CSMD1: variants seen among roughly 807,000 people sequenced by gnomAD.
CSMD1 encodes CUB and sushi domain-containing protein 1.
CSMD1 carries 213 observed loss-of-function variants against 417.5 expected under a neutral mutation model. The observed-to-expected ratio is 0.51, with a 90% confidence interval of 0.46 to 0.57. CSMD1 has a LOEUF of 0.57. Ranked by LOEUF, CSMD1 falls within the 20% of genes least tolerant of loss-of-function variation. The probability of loss-of-function intolerance (pLI) is 0.00; values close to 1 mark genes in which losing one functional copy is unlikely to be tolerated. For missense variants in CSMD1, 6,923 were observed against 4,529.7 expected, an observed-to-expected ratio of 1.53 and a Z score of -15.17; for synonymous variants, 2,862 against 1,736.8, an observed-to-expected ratio of 1.65 and a Z score of -16.11.
chr8:3,073,386 A>C (rs1199175896), intron 49 of CSMD1, among the ~76,000 whole-genome samples: 1 of 152,198 alleles, frequency 6.6e-6, no homozygotes, highest in Non-Finnish European at 1.5e-5. Flanking sequence ...GTATTTAATA[A>C]ATGACACTCA....
intron 3 of CSMD1, among the ~76,000 whole-genome samples, chr8:4,202,121 A>T (rs1799690784): frequency 6.6e-6 from 1 of 152,026 alleles, no homozygotes; most frequent in Non-Finnish European, 1.5e-5. Flanking sequence ...TTTTTTCTAG[A>T]GAAAACATCT....
chr8:4,738,292 T>A (rs7826378), intron 1 of CSMD1, among the ~76,000 whole-genome samples: 18 of 152,070 alleles, frequency 1.2e-4, no homozygotes, highest in African/African-American at 4.3e-4. Flanking sequence ...GAGAATGGGT[T>A]ATTTACAGAG....
At chr8:3,464,756 A>T (rs1198289916) in intron 12 of CSMD1, among the ~76,000 whole-genome samples, 2 of 152,052 alleles carry the variant, frequency 1.3e-5, no homozygotes, top group African/African-American at 4.8e-5. Flanking sequence ...CTCTATCATA[A>T]TTAATTTACA....
Position 4,752,559 on chromosome 8 carries a change from C to T in CSMD1, c.86-115001G>A, listed in dbSNP as rs1389584310. Among the ~76,000 whole-genome samples, 3 of 152,172 alleles carry T rather than the reference C, an allele frequency of 2.0e-5. No individual in the cohort carries two copies. The East Asian group carries it at 5.8e-4, about 29-fold the overall frequency. ...AGTTAAAACTCTGTACCCAGATGCA[C>T]AGAGTGAAAACGAAGTGAATTAAAT... is the stretch of plus-strand genomic sequence containing the variant. On this transcript the variant is annotated intron_variant, in intron 1 of 69. Transcript: ENST00000635120.
intron 5 of CSMD1, among the ~76,000 whole-genome samples, chr8:3,934,554 T>C (rs1364542188): frequency 6.6e-6 from 1 of 152,034 alleles, no homozygotes; most frequent in Non-Finnish European, 1.5e-5. Context: ...TAACTAAGGG[T>C]TAAACAATTG....
chr8:4,602,539 G>T (rs1390821321), intron 2 of CSMD1, among the ~76,000 whole-genome samples: 1 of 152,152 alleles, frequency 6.6e-6, no homozygotes, highest in African/African-American at 2.4e-5. Flanking sequence ...GAACATATTG[G>T]TCATTATAGT....
chr8:4,739,924 C>T (rs116571486), intron 1 of CSMD1, among the ~76,000 whole-genome samples: 2 of 152,126 alleles, frequency 1.3e-5, no homozygotes, highest in East Asian at 3.9e-4. Flanking sequence ...TCTTCAGTTG[C>T]TCTCTGCAGC....
chr8:3,909,105 G>T (rs907989275), intron 5 of CSMD1, among the ~76,000 whole-genome samples: 3 of 152,170 alleles, frequency 2.0e-5, no homozygotes. Flanking sequence ...CTGGGCTGGA[G>T]ACAACTAAAG....
At chr8:3,242,557 C>G (rs1211246585) in intron 26 of CSMD1, among the ~76,000 whole-genome samples, 1 of 152,190 alleles carries the variant, frequency 6.6e-6, no homozygotes, top group Middle Eastern at 3.4e-3. Context: ...CTATTTGGAA[C>G]CACTGTCGAG....
intron 9 of CSMD1, among the ~76,000 whole-genome samples, chr8:3,575,678 T>A (rs1362499100): frequency 6.6e-6 from 1 of 151,572 alleles, no homozygotes; most frequent in Non-Finnish European, 1.5e-5. Context: ...ACTTAAAATT[T>A]ATTGCAAGTT....
chr8:4,612,519 A>G (rs751530844), intron 2 of CSMD1, among the ~76,000 whole-genome samples: 1 of 152,122 alleles, frequency 6.6e-6, no homozygotes, highest in Non-Finnish European at 1.5e-5. Flanking sequence ...GGCCTCCAAT[A>G]TTTGGTGCAT....
At chr8:4,471,505 G>A (rs866751677) in intron 2 of CSMD1, among the ~76,000 whole-genome samples, 1 of 152,090 alleles carries the variant, frequency 6.6e-6, no homozygotes, top group African/African-American at 2.4e-5. Flanking sequence ...CTCAGTGTCT[G>A]GGTGGTCACA....
Position 2,962,116 on chromosome 8 carries a change from A to C in CSMD1, c.9628+350T>G, listed in dbSNP as rs888585717. On this transcript the variant is annotated intron_variant, in intron 61 of 69. Coordinates refer to ENST00000635120, the MANE Select transcript of CSMD1 (RefSeq NM_033225.6). ...TCTGCAGCAATAAAACAACAGCAAG[A>C]CTGTCTCTCTGGGGAGGGCTGCTTT... is the stretch of plus-strand genomic sequence containing the variant. 2.0e-5 allele frequency among the ~76,000 whole-genome samples: 3 copies of C among 152,196 alleles called. No homozygotes were observed. In the East Asian group the frequency reaches 5.8e-4, roughly 29 times the overall value.
At chr8:4,907,572 T>C (rs182319244) in intron 1 of CSMD1, among the ~76,000 whole-genome samples, 1 of 152,174 alleles carries the variant, frequency 6.6e-6, no homozygotes, top group East Asian at 1.9e-4. Flanking sequence ...GTTTTATTGG[T>C]TTTTTGAGAC....
At chr8:4,542,993 A>G (rs1797466716) in intron 2 of CSMD1, among the ~76,000 whole-genome samples, 1 of 152,188 alleles carries the variant, frequency 6.6e-6, no homozygotes, top group African/African-American at 2.4e-5. Flanking sequence ...TTACAAATTG[A>G]TAGTCTATAT....
chr8:3,823,880 C>T (rs903788244), intron 5 of CSMD1, among the ~76,000 whole-genome samples: 15 of 152,070 alleles, frequency 9.9e-5, no homozygotes, highest in African/African-American at 3.6e-4. Context: ...TTCTGATCCT[C>T]AGTTTCATTG....
At chr8:3,873,223 C>A (rs1398609935) in intron 5 of CSMD1, among the ~76,000 whole-genome samples, 1 of 152,112 alleles carries the variant, frequency 6.6e-6, no homozygotes, top group East Asian at 1.9e-4. Context: ...AAAGGAACAG[C>A]AATCATTCTA....
chr8:3,887,348 A>G (rs1454454652), intron 5 of CSMD1, among the ~76,000 whole-genome samples: 2 of 152,170 alleles, frequency 1.3e-5, no homozygotes, highest in Admixed American at 6.5e-5. Context: ...GATAGCAATA[A>G]AAGCAAGATA....
chr8:3,601,332 G>C (rs1344701156), intron 8 of CSMD1, among the ~76,000 whole-genome samples: 1 of 152,186 alleles, frequency 6.6e-6, no homozygotes, highest in Non-Finnish European at 1.5e-5. Context: ...AGACATATAG[G>C]AGCTGTAGAA....
Sources: gnomAD v4.1 joint callset for allele counts (sites outside exome capture counted in the v4.1 genomes callset) on GRCh38, gnomAD v4.1.1 for gene constraint, MANE v1.5 for transcripts, NCBI Gene and HGNC (gene_info 2026-07-23, HGNC 2026-07-21) for gene names.